TAF1: variants seen among roughly 807,000 people sequenced by gnomAD.
The protein encoded by TAF1 is TATA-box binding protein associated factor 1, also known as transcription initiation factor TFIID subunit 1.
In TAF1, 2 loss-of-function variants were observed where a neutral mutation model predicts 138.5. The observed-to-expected ratio is 0.01, with a 90% CI of 0.01 to 0.05. The LOEUF is 0.05. Among genes scored for constraint, TAF1 ranks in the 10% least tolerant of loss-of-function variants. The pLI, the probability that TAF1 is intolerant of heterozygous loss-of-function variation, is 1.00. For missense variants in TAF1, 709 were observed against 1,478.0 expected (o/e 0.48, Z 8.53); for synonymous variants, 437 against 503.2 (o/e 0.87, Z 1.76).
chrX:71,447,357 CA>C (rs1444995907), intron 32 of TAF1, among the ~76,000 whole-genome samples: 2 of 110,624 alleles, frequency 1.8e-5, no homozygotes, highest in Non-Finnish European at 3.8e-5. Context: ...CCTTGGTGCC[CA>C]GGGGTGCTTG....
intron 13 of TAF1, among the ~76,000 whole-genome samples, chrX:71,487,525 C>G (rs1398719236): frequency 1.8e-5 from 2 of 109,746 alleles, no homozygotes; most frequent in African/African-American, 6.6e-5. Flanking sequence ...GTTTCACCAT[C>G]TTGGCCAGGC....
Position 71,498,938 on chromosome X carries a change from G to A in TAF1, c.1367-29604G>A, listed in dbSNP as rs752994885. On this transcript the variant is annotated intron_variant and NMD_transcript_variant, in intron 13 of 14. Transcript: ENST00000373775. ...AGGAGATTAATACTGAGAAAGCCAC[G>A]CCAGTGTCCAGGAGGAAGTCAATTT... Among the ~76,000 whole-genome samples the A allele has an allele frequency of 1.5e-4, 17 of 111,562 alleles. No individual in the cohort carries two copies. The East Asian group carries it at 3.7e-3, about 24-fold the overall frequency.
At chrX:71,429,631 T>C (rs1400191267) in intron 32 of TAF1, among the ~76,000 whole-genome samples, 1 of 111,391 alleles carries the variant, frequency 9.0e-6, no homozygotes, top group Non-Finnish European at 1.9e-5. Flanking sequence ...TACTAGTACC[T>C]GAATGTATCA....
chrX:71,407,468 T>A, intron 26 of TAF1, 106 bp from the exon 27 acceptor site: 3 of 713,816 alleles, frequency 4.2e-6, no homozygotes, highest in Non-Finnish European at 6.5e-6. Context: ...TCCACCCACC[T>A]CAGCCTCCCA....
intron 13 of TAF1, among the ~76,000 whole-genome samples, chrX:71,478,703 T>C (rs1008188599): frequency 9.0e-6 from 1 of 111,705 alleles, no homozygotes; most frequent in Admixed American, 9.6e-5. Flanking sequence ...AAAATTCTTT[T>C]TAAATTCTGA....
At chrX:71,398,464 T>G in intron 23 of TAF1, 108 bp from the exon 24 acceptor site, 1 of 1,036,391 alleles carries the variant, frequency 9.6e-7, no homozygotes, top group Non-Finnish European at 1.3e-6. Flanking sequence ...TATCTTAGCC[T>G]GGATGGATTA....
intron 13 of TAF1, among the ~76,000 whole-genome samples, chrX:71,502,131 T>A (rs1381723707): frequency 9.0e-6 from 1 of 111,546 alleles, no homozygotes; most frequent in Non-Finnish European, 1.9e-5. Flanking sequence ...GTGGCCAGCT[T>A]TTATCCCCTT....
chrX:71,393,224 T>TTG (rs201372159), intron 20 of TAF1, 77 bp from the exon 21 acceptor site: 63,852 of 925,690 alleles, frequency 0.069, 815 homozygotes, highest in African/African-American at 0.16. Flanking sequence ...CCTGAATGAT[T>TTG]TGTGTGTGTG....
intron 1 of TAF1, 151 bp from the exon 2 acceptor site, chrX:71,367,348 A>G (rs886794704): frequency 2.0e-5 from 12 of 607,495 alleles, no homozygotes; most frequent in Non-Finnish European, 3.2e-5. Context: ...GATGTATATT[A>G]CAGTTCTCGA....
In TAF1 at chrX:71,459,600, G is replaced by A. The variant is rs770794909; in HGVS notation, c.5113G>A (p.Val1705Ile). 7.5e-5 allele frequency: 91 copies of A among 1,208,805 alleles called. No individual in the cohort carries two copies. The highest frequency in any genetic ancestry group is 9.5e-5 in the Non-Finnish European group (85 of 894,967). ...TCTTGCAGATGAAGAGGAAGGAACTGTACAACAGCCTCAAGCCAGTGTCCT... is the reference window on the plus strand; with the variant it reads ...TCTTGCAGATGAAGAGGAAGGAACTATACAACAGCCTCAAGCCAGTGTCCT... ...GDLADEEEGT[V>I]QQPQASVLYE... Residue 1705 changes from valine (V) to isoleucine (I), a missense_variant, in exon 36 of 38, where the codon GTA becomes ATA. By Grantham distance (29) the Val-to-Ile change is conservative (BLOSUM62 3). This residue lies in a region of TAF1 where 123 missense variants were observed against 174.7 expected (regional missense o/e 0.70). Transcript: ENST00000423759.
At chrX:71,403,379 G>A (rs1350781455) in intron 25 of TAF1, among the ~76,000 whole-genome samples, 1 of 111,438 alleles carries the variant, frequency 9.0e-6, no homozygotes, top group Non-Finnish European at 1.9e-5. Context: ...CAGGCCAATT[G>A]CCTCAAAATA....
chrX:71,380,566 G>A (rs762583317), intron 8 of TAF1, among the ~76,000 whole-genome samples: 1 of 110,361 alleles, frequency 9.1e-6, no homozygotes, highest in East Asian at 2.8e-4. Context: ...TCTGGCTTGA[G>A]AAACTCATTT....
At chrX:71,497,490 C>A (rs1602851240) in intron 13 of TAF1, among the ~76,000 whole-genome samples, 2 of 111,354 alleles carry the variant, frequency 1.8e-5, no homozygotes, top group East Asian at 5.6e-4. Context: ...ATTTTGATAG[C>A]CTCTGACACT....
chrX:71,377,851 C>T (rs1215608989), intron 6 of TAF1, 30 bp downstream of exon 6: 3 of 1,143,837 alleles, frequency 2.6e-6, no homozygotes, highest in African/African-American at 3.6e-5. Flanking sequence ...GAGATTAAGG[C>T]CTATGAGAGG....
chrX:71,484,099 G>T (rs1183713519), intron 13 of TAF1, among the ~76,000 whole-genome samples: 2 of 110,685 alleles, frequency 1.8e-5, no homozygotes, highest in African/African-American at 3.3e-5. Flanking sequence ...CAATCTCCTG[G>T]CATCAAGTGA....
chrX:71,525,403 C>A (rs757021283), intron 13 of TAF1, among the ~76,000 whole-genome samples: 8 of 111,854 alleles, frequency 7.2e-5, no homozygotes, highest in Non-Finnish European at 1.5e-4. Context: ...GGAAGAAACA[C>A]CTTGAATTAC....
intron 30 of TAF1, among the ~76,000 whole-genome samples, chrX:71,423,700 A>T (rs2036465330): frequency 8.9e-6 from 1 of 111,923 alleles, no homozygotes; most frequent in Non-Finnish European, 1.9e-5. Context: ...TGTGTTCTAT[A>T]TGTGTAATGC....
intron 4 of TAF1, among the ~76,000 whole-genome samples, chrX:71,376,539 T>A (rs2033484484): frequency 9.1e-6 from 1 of 109,607 alleles, no homozygotes; most frequent in Non-Finnish European, 1.9e-5. Flanking sequence ...TCGTGGCGCA[T>A]GACTGTAATC....
intron 34 of TAF1, among the ~76,000 whole-genome samples, chrX:71,458,021 T>C (rs2038382560): frequency 8.9e-6 from 1 of 112,812 alleles, no homozygotes; most frequent in African/African-American, 3.2e-5. Flanking sequence ...GCATTTCTGC[T>C]TCAGGCTTCT....
Sources: allele counts gnomAD v4.1 joint callset (sites outside exome capture counted in the v4.1 genomes callset), GRCh38; gene constraint gnomAD v4.1.1; regional missense constraint gnomAD v4.1.1; transcripts MANE v1.5; gene names NCBI Gene and HGNC (gene_info 2026-07-23, HGNC 2026-07-21).